RGP1: variants seen among roughly 807,000 people sequenced by gnomAD.
RGP1 encodes RAB6A-GEF complex partner protein 2.
In RGP1, 28 loss-of-function variants were observed where a neutral mutation model predicts 44.5. That is an observed-to-expected ratio of 0.63 (90% CI 0.47 to 0.86). The LOEUF is 0.86. Ranked by LOEUF, RGP1 falls within the 40% of genes least tolerant of loss-of-function variation. RGP1 has a pLI of 0.00. For synonymous variants in RGP1, 212 were observed against 196.7 expected (o/e 1.08, Z -0.65); for missense variants, 417 against 490.7 (o/e 0.85, Z 1.42).
At chr9:35,786,992 C>G in the RGP1 span, among the ~76,000 whole-genome samples, 2 of 150,568 alleles carry the variant, frequency 1.3e-5, no homozygotes, top group Non-Finnish European at 1.5e-5. Flanking sequence ...TCCAGCTACT[C>G]GGGAGGCTGA....
the RGP1 span, among the ~76,000 whole-genome samples, chr9:35,777,512 G>A: frequency 6.7e-4 from 101 of 151,050 alleles, no homozygotes; most frequent in African/African-American, 2.4e-3. Flanking sequence ...GAGAGATAGG[G>A]TCTTGCTATG....
At chr9:35,778,929 T>C in the RGP1 span, among the ~76,000 whole-genome samples, 1 of 152,234 alleles carries the variant, frequency 6.6e-6, no homozygotes, top group Non-Finnish European at 1.5e-5. Flanking sequence ...CTGCCTGAAC[T>C]TTCAAACTCC....
chr9:35,749,675 G>A lies in RGP1; in HGVS notation c.-19-62G>A. 8.2e-6 allele frequency: 8 copies of A among 977,042 alleles called. No homozygotes were observed. In the South Asian group the frequency reaches 9.5e-5, roughly 12 times the overall value. The allele number at this position is 977,042 out of a possible 1,614,324, so 60.5% of individuals were successfully genotyped here. A position where few individuals can be genotyped will look rare whatever the true frequency, so the allele number is the denominator to read the frequency against. On this transcript the variant is annotated intron_variant, in intron 1 of 8. Transcript: ENST00000378078. The surrounding 1 kb of genome is among the most constrained non-coding windows in gnomAD (Gnocchi z 4.4). Reference sequence around the variant, plus strand: ...CTGTCCTCAGCCCTCAGCCCTAGGTGCTCACCGCAACGCCCCTCCCTGTCA... The same window carrying A: ...CTGTCCTCAGCCCTCAGCCCTAGGTACTCACCGCAACGCCCCTCCCTGTCA...
At chr9:35,751,836 G>A (rs1267362437) in intron 7 of RGP1, 82 bp downstream of exon 7, 14 of 1,596,254 alleles carry the variant, frequency 8.8e-6, no homozygotes, top group Non-Finnish European at 4.3e-6. Flanking sequence ...AAGAGGGGTG[G>A]CATGTAGAAG....
At position 35,749,714 on chromosome 9, in the gene RGP1, C is replaced by T. The variant is rs1016845316; in HGVS notation, c.-19-23C>T. The T allele has an allele frequency of 4.1e-6, 6 of 1,458,300 alleles. No individual in the cohort carries two copies. Among genetic ancestry groups the T allele is most frequent in the Non-Finnish European group, 5.7e-6 (6 of 1,043,820 alleles). 90.3% of individuals were successfully genotyped at this position (1,458,300 alleles called of 1,614,324 possible). A position where few individuals can be genotyped will look rare whatever the true frequency, so the allele number is the denominator to read the frequency against. ...CCCTCCCTGTCAAGGTGCTGACCTC[C>T]GCCCCGCCTTGTTTCCTTCTAGATC... On this transcript the variant is annotated intron_variant, in intron 1 of 8. Transcript: ENST00000378078. The surrounding 1 kb of genome is among the most constrained non-coding windows in gnomAD (Gnocchi z 4.4).
chr9:35,751,280 C>T lies in RGP1; in HGVS notation c.502C>T (p.Arg168Trp), dbSNP rs371917906. The change falls in exon 6 of 9, where the codon CGG becomes TGG. Residue 168 changes from arginine (R) to tryptophan (W), a missense_variant. Coordinates refer to ENST00000378078, the MANE Select transcript of RGP1 (RefSeq NM_001080496.3). ...VLVLTGLQDV[R>W]FPQDEAVAPS... ...TCTTTCTCTAGGCCTTCAGGATGTC[C>T]GGTTTCCCCAGGATGAGGCTGTAGC... 61 of 1,613,832 alleles carry T rather than the reference C, an allele frequency of 3.8e-5. No homozygotes were observed. Among genetic ancestry groups the T allele is most frequent in the Middle Eastern group, 1.6e-4 (1 of 6,084 alleles).
At chr9:35,773,023 G>C in the RGP1 span, among the ~76,000 whole-genome samples, 1 of 151,930 alleles carries the variant, frequency 6.6e-6, no homozygotes, top group African/African-American at 2.4e-5. Flanking sequence ...AAGTCCTTTG[G>C]TATTCTTTTA....
In RGP1 at chr9:35,751,629, C is replaced by G. The variant is rs767495350; in HGVS notation, c.637C>G (p.Leu213Val). ...MAATSCRSLH[L>V]YNISDGRGKV... ...TTATAGTGTCCTATTCTCCCCAGAT[C>G]TATACAATATCAGTGATGGCCGAGG... The change falls in exon 7 of 9, where the codon CTA becomes GTA. Residue 213 changes from leucine (L) to valine (V), a missense_variant and splice_region_variant. Transcript: ENST00000378078. 4 of 1,613,838 alleles carry G rather than the reference C, an allele frequency of 2.5e-6. No homozygotes were observed. Among genetic ancestry groups the G allele is most frequent in the Admixed American group, 1.7e-5 (1 of 60,008 alleles).
chr9:35,782,661 G>A, the RGP1 span, among the ~76,000 whole-genome samples: 1 of 152,066 alleles, frequency 6.6e-6, no homozygotes, highest in Non-Finnish European at 1.5e-5. Context: ...GGTCAGGCTG[G>A]TCTCAAACTC....
At chr9:35,788,363 G>A in the RGP1 span, among the ~76,000 whole-genome samples, 2 of 152,190 alleles carry the variant, frequency 1.3e-5, no homozygotes, top group South Asian at 2.1e-4. Context: ...GAGGTCAGGA[G>A]TTCGAGACCA....
chr9:35,751,407 G>T lies in RGP1; in HGVS notation c.629G>T (p.Ser210Ile). Residue 210 changes from serine to isoleucine, a missense_variant, in exon 6 of 9, where the codon AGC becomes ATC. By Grantham distance (142) the Ser-to-Ile change is moderately radical (BLOSUM62 -2). Coordinates refer to ENST00000378078, the MANE Select transcript of RGP1 (RefSeq NM_001080496.3). ...ERLMAATSCR[S>I]LHLYNISDGR... The stretch of plus-strand genomic sequence containing the variant: ...CTAATGGCTGCCACATCCTGCCGCA[G>T]CCTCCGTGAGAATTCTTTCAGAATT... 6.2e-7 allele frequency: 1 copy of T among 1,613,978 alleles called. No individual in the cohort carries two copies. Among genetic ancestry groups the T allele is most frequent in the Middle Eastern group, 1.6e-4 (1 of 6,062 alleles).
At chr9:35,765,212 GA>G in the RGP1 span, among the ~76,000 whole-genome samples, 2 of 151,842 alleles carry the variant, frequency 1.3e-5, no homozygotes, top group African/African-American at 2.4e-5. Flanking sequence ...TTCATCTGAT[GA>G]TGGATATTTG....
rs1563974726 is a variant in RGP1, at chr9:35,753,973, C to T, written c.*1099C>T. The T allele has an allele frequency of 6.2e-7, 1 of 1,602,102 alleles. No individual in the cohort carries two copies. On this transcript the variant is annotated 3_prime_UTR_variant, in exon 9 of 9. Coordinates refer to ENST00000378078, the MANE Select transcript of RGP1 (RefSeq NM_001080496.3). This position sits in a 1 kb window ranked among gnomAD's most constrained non-coding sequence, Gnocchi z 4.2. ...CCCTGTGCCCTCTCTGCTGCTCCTC[C>T]ATTCCTAACGCTTCACCCCACTTTA...
At chr9:35,752,375 AC>A (rs1329356030) in intron 8 of RGP1, among the ~76,000 whole-genome samples, 1 of 152,172 alleles carries the variant, frequency 6.6e-6, no homozygotes, top group Admixed American at 6.5e-5. Context: ...ACCTACTAGG[AC>A]CCTGTGATAC....
At chr9:35,781,017 T>C in the RGP1 span, among the ~76,000 whole-genome samples, 21 of 152,156 alleles carry the variant, frequency 1.4e-4, no homozygotes, top group Admixed American at 1.3e-3. Flanking sequence ...TTAAGGACGA[T>C]AAAATTCCTT....
At chr9:35,750,074 C>T (rs568835293) in intron 2 of RGP1, among the ~76,000 whole-genome samples, 169 bp from the exon 3 acceptor site, 1 of 152,234 alleles carries the variant, frequency 6.6e-6, no homozygotes. Context: ...CCCCTTTTTA[C>T]GCACAGTCTG....
At chr9:35,777,608 C>T in the RGP1 span, among the ~76,000 whole-genome samples, 10 of 152,242 alleles carry the variant, frequency 6.6e-5, no homozygotes, top group South Asian at 2.1e-4. Context: ...TGTGAGCCAA[C>T]GCGCCCAGCC....
chr9:35,759,917 C>CTTTTTTTTTTTTTTTTTTTTTTTTTTCT (rs34848500), downstream of RGP1, among the ~76,000 whole-genome samples: 1 of 132,984 alleles, frequency 7.5e-6, no homozygotes, highest in African/African-American at 2.8e-5. Flanking sequence ...TTCATTTTTC[C>CTTTTTTTTTTTTTTTTTTTTTTTTTTCT]TTTTTTTTTT....
chr9:35,772,793 A>T, the RGP1 span, among the ~76,000 whole-genome samples: 1,233 of 115,562 alleles, frequency 0.011, 8 homozygotes, highest in Non-Finnish European at 0.018. Context: ...TCTGTCTCAA[A>T]AAAAAAAAAA....
Sources: gnomAD v4.1 joint callset for allele counts (sites outside exome capture counted in the v4.1 genomes callset) on GRCh38, gnomAD v4.1.1 for gene constraint, Gnocchi (gnomAD v3.1) non-coding constraint, MANE v1.5 for transcripts, NCBI Gene and HGNC (gene_info 2026-07-23, HGNC 2026-07-21) for gene names.